FSTL5: variants seen among roughly 807,000 people sequenced by gnomAD.
FSTL5 encodes follistatin like 5.
A neutral mutation model predicts 89.1 loss-of-function variants in FSTL5; 62 were observed. The ratio of observed to expected loss-of-function variants is 0.70; its 90% CI spans 0.57 to 0.86. FSTL5 has a LOEUF of 0.86. Among genes scored for constraint, FSTL5 ranks in the 40% least tolerant of loss-of-function variants. The pLI, the probability that FSTL5 is intolerant of heterozygous loss-of-function variation, is 0.00. For missense variants in FSTL5, 1,057 were observed against 1,001.6 expected (o/e 1.06, Z -0.75); for synonymous variants, 383 against 346.2 (o/e 1.11, Z -1.18).
intron 3 of FSTL5, among the ~76,000 whole-genome samples, chr4:162,029,832 T>C (rs896102349): frequency 3.3e-5 from 5 of 151,986 alleles, no homozygotes; most frequent in Admixed American, 6.6e-5. Context: ...TAATGTACAG[T>C]TGGTAATTTG....
In FSTL5 at chr4:162,083,084, A is replaced by G. The variant is rs559467642; in HGVS notation, c.126+28187T>C. Reference sequence around the variant, plus strand: ...TACTCAATGGCAAGTGCTTTGAAAGACATTTGTTTGGAAAATAGTTTATAA... The same window carrying G: ...TACTCAATGGCAAGTGCTTTGAAAGGCATTTGTTTGGAAAATAGTTTATAA... On this transcript the variant is annotated intron_variant, in intron 2 of 15. Coordinates refer to ENST00000306100, the MANE Select transcript of FSTL5 (RefSeq NM_020116.5). 2.8e-3 allele frequency among the ~76,000 whole-genome samples: 432 copies of G among 151,880 alleles called. 1 individual carries two copies. Among genetic ancestry groups the G allele is most frequent in the Non-Finnish European group, 4.0e-3 (271 of 67,772 alleles).
intron 8 of FSTL5, among the ~76,000 whole-genome samples, chr4:161,582,284 T>G (rs1733461792): frequency 6.6e-6 from 1 of 152,226 alleles, no homozygotes; most frequent in South Asian, 2.1e-4. Context: ...AAGCCTGATT[T>G]TCTAAAGTTC....
At position 161,995,089 on chromosome 4, in the gene FSTL5, A is replaced by G. The variant is rs1224475892; in HGVS notation, c.160+38536T>C. Among the ~76,000 whole-genome samples, 7 of 152,060 alleles carry G rather than the reference A, an allele frequency of 4.6e-5. No individual in the cohort carries two copies. The East Asian group carries it at 1.2e-3, about 25-fold the overall frequency. ...TGGTGTAAGGAAGGGTCCAGCTTCA[A>G]TCTTCTGCATATGGCTAGCCAGATT... On this transcript the variant is annotated intron_variant, in intron 3 of 15. Transcript: ENST00000306100.
intron 6 of FSTL5, among the ~76,000 whole-genome samples, chr4:161,713,518 A>C (rs1396442282): frequency 1.3e-5 from 2 of 152,182 alleles, no homozygotes; most frequent in Admixed American, 1.3e-4. Context: ...ATAATCAAAA[A>C]ATTGTCTTTC....
intron 3 of FSTL5, among the ~76,000 whole-genome samples, chr4:161,935,069 T>C (rs1372025394): frequency 6.6e-6 from 1 of 152,168 alleles, no homozygotes; most frequent in Admixed American, 6.6e-5. Context: ...ATCTCATAAC[T>C]ATATTTCATA....
At position 161,406,411 on chromosome 4, in the gene FSTL5, G is replaced by A. The variant is rs527862443; in HGVS notation, c.1842-19962C>T. On this transcript the variant is annotated intron_variant, in intron 15 of 15. Transcript: ENST00000306100. ...TAATTTCAATCTGTTAAAATTTATC[G>A]AGACTTGCTCTGTAGCTTAATAAGT... Among the ~76,000 whole-genome samples, 7 of 152,042 alleles carry A rather than the reference G, an allele frequency of 4.6e-5. No individual in the cohort carries two copies. The East Asian group carries it at 1.2e-3, about 25-fold the overall frequency.
Position 161,386,060 on chromosome 4 carries a change from A to G in FSTL5, c.2231T>C (p.Phe744Ser), listed in dbSNP as rs1261314468. Reference sequence around the variant, plus strand: ...GTGGGCTTCAGTAAAGGATGGTTGAAATGCCAGATCAGATATGTGCAGATT... The same window carrying G: ...GTGGGCTTCAGTAAAGGATGGTTGAGATGCCAGATCAGATATGTGCAGATT... The part of the protein sequence containing the change: ...YTNLHISDLA[F>S]QPSFTEAHQY... Residue 744 changes from phenylalanine (F) to serine (S), a missense_variant, in exon 16 of 16, where the codon TTT (phenylalanine) becomes TCT (serine). By Grantham distance (155) the Phe-to-Ser change is radical. Coordinates refer to ENST00000306100, the MANE Select transcript of FSTL5 (RefSeq NM_020116.5). 5.0e-6 allele frequency: 8 copies of G among 1,614,076 alleles called. No homozygotes were observed. The highest frequency in any genetic ancestry group is 5.9e-6 in the Non-Finnish European group (7 of 1,179,982).
intron 12 of FSTL5, among the ~76,000 whole-genome samples, chr4:161,495,903 C>A (rs887202477): frequency 3.3e-5 from 5 of 152,052 alleles, no homozygotes; most frequent in Non-Finnish European, 1.5e-5. Context: ...TTTTTCTGTA[C>A]TAAAAACTCA....
At chr4:161,761,767 ACTT>A (rs1278714282) in intron 5 of FSTL5, among the ~76,000 whole-genome samples, 6 of 152,280 alleles carry the variant, frequency 3.9e-5, no homozygotes, top group African/African-American at 1.2e-4. Context: ...TGGCTAATAA[ACTT>A]CTTATTTTTT....
At chr4:161,935,114 T>C (rs1039229032) in intron 3 of FSTL5, among the ~76,000 whole-genome samples, 2 of 152,078 alleles carry the variant, frequency 1.3e-5, no homozygotes, top group African/African-American at 4.8e-5. Flanking sequence ...ACTGTAAACT[T>C]GTATGGTAAT....
At chr4:161,711,491 A>G (rs1329135317) in intron 6 of FSTL5, among the ~76,000 whole-genome samples, 3 of 152,076 alleles carry the variant, frequency 2.0e-5, no homozygotes, top group African/African-American at 7.2e-5. Context: ...ATACATCAAA[A>G]GTAAAGGGTT....
intron 4 of FSTL5, among the ~76,000 whole-genome samples, chr4:161,868,472 C>A (rs79446214): frequency 4.1e-4 from 62 of 152,290 alleles, no homozygotes; most frequent in African/African-American, 1.4e-3. Flanking sequence ...TTTCACCCAG[C>A]CTTGCCCGAA....
At chr4:161,632,153 G>T (rs1461563348) in intron 7 of FSTL5, among the ~76,000 whole-genome samples, 1 of 152,116 alleles carries the variant, frequency 6.6e-6, no homozygotes. Context: ...GGCTGAGGCA[G>T]GCGAATCATG....
At chr4:162,066,806 C>A (rs897388409) in intron 2 of FSTL5, among the ~76,000 whole-genome samples, 2 of 152,002 alleles carry the variant, frequency 1.3e-5, no homozygotes, top group Admixed American at 6.6e-5. Flanking sequence ...TGTCTATGTG[C>A]CACATTTTCT....
At chr4:161,942,697 C>A (rs900744410) in intron 3 of FSTL5, among the ~76,000 whole-genome samples, 5 of 152,062 alleles carry the variant, frequency 3.3e-5, no homozygotes, top group Non-Finnish European at 7.4e-5. Flanking sequence ...AAAAACCCTG[C>A]AGACCAATAT....
chr4:161,830,109 G>T (rs1730797544), intron 4 of FSTL5, among the ~76,000 whole-genome samples: 2 of 151,998 alleles, frequency 1.3e-5, no homozygotes, highest in Non-Finnish European at 2.9e-5. Flanking sequence ...TTTTTGTTAG[G>T]TAAATATATT....
intron 4 of FSTL5, among the ~76,000 whole-genome samples, chr4:161,799,479 T>G (rs931794322): frequency 1.3e-5 from 2 of 151,894 alleles, no homozygotes; most frequent in East Asian, 3.9e-4. Flanking sequence ...CTGAACTGTT[T>G]TGATGCTAGA....
intron 8 of FSTL5, among the ~76,000 whole-genome samples, chr4:161,544,734 A>G (rs1277640907): frequency 6.6e-6 from 1 of 152,042 alleles, no homozygotes; most frequent in Non-Finnish European, 1.5e-5. Context: ...ATGCAAATCA[A>G]GATTGGGTCC....
chr4:161,594,732 T>C (rs1212986599), intron 7 of FSTL5, among the ~76,000 whole-genome samples: 1 of 152,014 alleles, frequency 6.6e-6, no homozygotes, highest in Non-Finnish European at 1.5e-5. Context: ...AGCTAGACTT[T>C]AACTAATCCT....
Sources: gnomAD v4.1 joint callset for allele counts (sites outside exome capture counted in the v4.1 genomes callset) on GRCh38, gnomAD v4.1.1 for gene constraint, MANE v1.5 for transcripts, NCBI Gene and HGNC (gene_info 2026-07-23, HGNC 2026-07-21) for gene names.